ZNF483: variants seen among roughly 807,000 people sequenced by gnomAD.
The protein encoded by ZNF483 is zinc finger protein HIT-10.
Under a neutral mutation model 28.6 loss-of-function variants are expected in ZNF483, and 9 were observed. That is an observed-to-expected ratio of 0.32 (90% CI 0.19 to 0.55). ZNF483 has a LOEUF of 0.55. ZNF483 is among the 20% of genes least tolerant of loss of function. The pLI is 0.93. For synonymous variants in ZNF483, 322 were observed against 306.2 expected, an observed-to-expected ratio of 1.05 and a Z score of -0.54; for missense variants, 675 against 871.7, an observed-to-expected ratio of 0.77 and a Z score of 2.84.
chr9:111,573,090 C>CAA (rs1265052949), intron 5 of ZNF483, among the ~76,000 whole-genome samples: 1 of 152,158 alleles, frequency 6.6e-6, no homozygotes, highest in Non-Finnish European at 1.5e-5. Context: ...GCTGACATCT[C>CAA]AAAGTCCTGT....
intron 5 of ZNF483, among the ~76,000 whole-genome samples, chr9:111,537,730 G>A (rs1054058932): frequency 6.6e-5 from 10 of 152,092 alleles, no homozygotes; most frequent in South Asian, 2.1e-4. Flanking sequence ...GGGCTGAAGC[G>A]ATCCTCTCAC....
At chr9:111,532,652 A>G (rs1024981195) in intron 3 of ZNF483, among the ~76,000 whole-genome samples, 3 of 152,188 alleles carry the variant, frequency 2.0e-5, no homozygotes, top group African/African-American at 7.2e-5. Flanking sequence ...AGGTTATGGG[A>G]ATTTGTTACA....
At position 111,570,542 on chromosome 9, in the gene ZNF483, G is replaced by A. The variant is rs546598768; in HGVS notation, c.722-5823G>A. Among the ~76,000 whole-genome samples the A allele has an allele frequency of 2.3e-3, 345 of 151,894 alleles. 3 individuals are homozygous for A. Among genetic ancestry groups the A allele is most frequent in the Middle Eastern group, 6.8e-3 (2 of 294 alleles). Reference sequence around the variant, plus strand: ...TCCCAGCATTTTGGGAGGCCAAGGCGGGCAGATCACAAGGTCAGGAGTTCG... The same window carrying A: ...TCCCAGCATTTTGGGAGGCCAAGGCAGGCAGATCACAAGGTCAGGAGTTCG... On this transcript the variant is annotated intron_variant, in intron 5 of 5. Transcript: ENST00000358151.
chr9:111,535,362 C>T (rs16916165), intron 5 of ZNF483, among the ~76,000 whole-genome samples: 10,998 of 152,170 alleles, frequency 0.072, 618 homozygotes, highest in East Asian at 0.26. Flanking sequence ...GGTTTTAATT[C>T]GCATTTGAGT....
chr9:111,569,177 T>C (rs1355866343), intron 5 of ZNF483, among the ~76,000 whole-genome samples: 1 of 152,094 alleles, frequency 6.6e-6, no homozygotes, highest in East Asian at 1.9e-4. Context: ...AGGCTGGAGA[T>C]AGAGATGGGA....
chr9:111,561,138 G>GA (rs1446000883), intron 5 of ZNF483, among the ~76,000 whole-genome samples: 1,155 of 19,720 alleles, frequency 0.059, 86 homozygotes, highest in African/African-American at 0.079. Flanking sequence ...GAGAGAGAGA[G>GA]GAGAGAGAGG....
At position 111,548,494 on chromosome 9, in the gene ZNF483, C is replaced by G. The variant is rs1326842404; in HGVS notation, c.*5324C>G. Among the ~76,000 whole-genome samples, 2 of 152,098 alleles carry G rather than the reference C, an allele frequency of 1.3e-5. No individual in the cohort carries two copies. The highest frequency in any genetic ancestry group is 4.8e-5 in the African/African-American group (2 of 41,414). ...AACTTTGCTGAATTTGTTTATTAGT[C>G]ATAATAGTTTCTTGTGAAATTTTTG... On this transcript the variant is annotated 3_prime_UTR_variant, in exon 6 of 6. Transcript: ENST00000309235.
chr9:111,540,992 G>A (rs1381554741), intron 5 of ZNF483, among the ~76,000 whole-genome samples: 2 of 152,006 alleles, frequency 1.3e-5, no homozygotes, highest in Admixed American at 6.6e-5. Flanking sequence ...CACCGTGCTT[G>A]GTGCGGGACC....
rs1246705006 is a variant in ZNF483, at chr9:111,552,594, C to G, written c.*9424C>G. Among the ~76,000 whole-genome samples the G allele has an allele frequency of 6.6e-6, 1 of 152,172 alleles. No homozygotes were observed. The highest frequency in any genetic ancestry group is 1.5e-5 in the Non-Finnish European group (1 of 68,014). On this transcript the variant is annotated 3_prime_UTR_variant, in exon 6 of 6. Coordinates refer to ENST00000309235, the MANE Select transcript of ZNF483 (RefSeq NM_133464.5). ...ACAGATGGAAGATTGTCAAAAATAT[C>G]TGCCATGAGTTTGAGCCTTTAGGCA... is the stretch of plus-strand genomic sequence containing the variant.
exon 6 of ZNF483, chr9:111,576,582 C>T (rs1003464701): frequency 4.5e-6 from 3 of 666,016 alleles, no homozygotes; most frequent in African/African-American, 1.8e-5. Context: ...TTACTTAACA[C>T]TTCTGAACCT....
intron 5 of ZNF483, among the ~76,000 whole-genome samples, chr9:111,570,920 T>C (rs1034847180): frequency 2.6e-5 from 4 of 151,936 alleles, no homozygotes; most frequent in African/African-American, 4.8e-5. Context: ...TATGGGGTGA[T>C]AGAAGCAGAG....
At position 111,546,124 on chromosome 9, in the gene ZNF483, G is replaced by C. The variant is rs956764254; in HGVS notation, c.*2954G>C. On this transcript the variant is annotated 3_prime_UTR_variant, in exon 6 of 6. Coordinates refer to ENST00000309235, the MANE Select transcript of ZNF483 (RefSeq NM_133464.5). ...AGCGTTTGAAATGATATTCCTTTGT[G>C]GTTTTAACTTTGATTTTCCTGATGG... Among the ~76,000 whole-genome samples, 1 of 152,036 alleles carries C rather than the reference G, an allele frequency of 6.6e-6. No homozygotes were observed. The highest frequency in any genetic ancestry group is 2.4e-5 in the African/African-American group (1 of 41,392).
intron 5 of ZNF483, among the ~76,000 whole-genome samples, chr9:111,575,907 A>C (rs1253735602): frequency 6.6e-6 from 1 of 152,164 alleles, no homozygotes; most frequent in Admixed American, 6.6e-5. Flanking sequence ...GGGCTTCATC[A>C]AAATTTAAAA....
At position 111,545,275 on chromosome 9, in the gene ZNF483, T is replaced by C. The variant is rs1389761720; in HGVS notation, c.*2105T>C. Among the ~76,000 whole-genome samples the C allele has an allele frequency of 1.3e-5, 2 of 152,282 alleles. No homozygotes were observed. Among genetic ancestry groups the C allele is most frequent in the East Asian group, 3.9e-4 (2 of 5,184 alleles). ...AGTTTTGTTTTCTGAAAAATATAATTTATAGAAAGTTGAAGAAATAACGTA... is the reference window on the plus strand; with the variant it reads ...AGTTTTGTTTTCTGAAAAATATAATCTATAGAAAGTTGAAGAAATAACGTA... On this transcript the variant is annotated 3_prime_UTR_variant, in exon 6 of 6. Transcript: ENST00000309235.
intron 5 of ZNF483, among the ~76,000 whole-genome samples, chr9:111,565,079 G>A (rs780942910): frequency 7.9e-5 from 12 of 151,912 alleles, no homozygotes; most frequent in Non-Finnish European, 1.3e-4. Context: ...AACGGAGATC[G>A]CACCATTGCA....
At chr9:111,534,785 G>A (rs969731428) in intron 5 of ZNF483, among the ~76,000 whole-genome samples, 3 of 143,160 alleles carry the variant, frequency 2.1e-5, no homozygotes, top group Admixed American at 7.2e-5. Context: ...GTGCAGTGGC[G>A]TGATCTCGGC....
intron 1 of ZNF483, among the ~76,000 whole-genome samples, chr9:111,526,869 G>T (rs553444397): frequency 6.6e-6 from 1 of 152,288 alleles, no homozygotes; most frequent in East Asian, 1.9e-4. Flanking sequence ...GGAGGCTGAG[G>T]TGGGTGGATC....
chr9:111,546,022 G>A lies in ZNF483; in HGVS notation c.*2852G>A, dbSNP rs1827798955. ...ACCGCATTATTTTACATTCTGACTA[G>A]TAATGTGTGGGGCTTCCCATTTCTC... On this transcript the variant is annotated 3_prime_UTR_variant, in exon 6 of 6. Coordinates refer to ENST00000309235, the MANE Select transcript of ZNF483 (RefSeq NM_133464.5). 6.6e-6 allele frequency among the ~76,000 whole-genome samples: 1 copy of A among 152,146 alleles called. No homozygotes were observed.
chr9:111,534,545 G>T (rs529920654), intron 5 of ZNF483, among the ~76,000 whole-genome samples, 192 bp downstream of exon 5: 9 of 152,198 alleles, frequency 5.9e-5, no homozygotes, highest in African/African-American at 2.2e-4. Flanking sequence ...GCCAGGACAT[G>T]ATTAGCCATG....
Sources: gnomAD v4.1 joint callset for allele counts (sites outside exome capture counted in the v4.1 genomes callset) on GRCh38, gnomAD v4.1.1 for gene constraint, MANE v1.5 for transcripts, NCBI Gene and HGNC (gene_info 2026-07-23, HGNC 2026-07-21) for gene names.